The following SGCD variants were observed in gnomAD, a reference collection of about 807,000 sequenced individuals.
SGCD encodes sarcoglycan delta.
Under a neutral mutation model 36.6 loss-of-function variants are expected in SGCD, and 18 were observed. That is an observed-to-expected ratio of 0.49 (90% CI 0.34 to 0.73). SGCD has a LOEUF of 0.73. Among genes scored for constraint, SGCD ranks in the 30% least tolerant of loss-of-function variants. The pLI is 0.01. For synonymous variants in SGCD, 133 were observed against 130.6 expected (o/e 1.02, Z -0.12); for missense variants, 387 against 346.7 (o/e 1.12, Z -0.92).
At chr5:155,854,042 A>C in the SGCD span, among the ~76,000 whole-genome samples, 6 of 152,186 alleles carry the variant, frequency 3.9e-5, no homozygotes, top group Non-Finnish European at 8.8e-5. Context: ...TTTAGAAAAT[A>C]TACTCTATTT....
At chr5:156,085,325 G>A (rs913976765) in intron 1 of SGCD, among the ~76,000 whole-genome samples, 1 of 152,122 alleles carries the variant, frequency 6.6e-6, no homozygotes, top group Non-Finnish European at 1.5e-5. Flanking sequence ...GGTTATGGGG[G>A]ACGATCCCTC....
chr5:155,994,421 C>G (rs988269140), intron 1 of SGCD, among the ~76,000 whole-genome samples: 1 of 152,124 alleles, frequency 6.6e-6, no homozygotes, highest in African/African-American at 2.4e-5. Flanking sequence ...TATTTCACCT[C>G]TCCTAGGACT....
chr5:155,944,820 C>T lies in SGCD; in HGVS notation c.-282+74396C>T, dbSNP rs1264069927. Among the ~76,000 whole-genome samples, 5 of 151,944 alleles carry T rather than the reference C, an allele frequency of 3.3e-5. No homozygotes were observed. The East Asian group carries it at 9.6e-4, about 29-fold the overall frequency. On this transcript the variant is annotated intron_variant, in intron 1 of 9. Coordinates refer to the SGCD transcript ENST00000517913. ...CTTCTCCTTGTCTTTGTAAACTAAC[C>T]TTTAGCATATCTTTTTGAAGTTAGG...
intron 1 of SGCD, among the ~76,000 whole-genome samples, chr5:155,989,264 C>T (rs1259133445): frequency 6.6e-6 from 1 of 152,112 alleles, no homozygotes; most frequent in Non-Finnish European, 1.5e-5. Flanking sequence ...TCAACACAGC[C>T]ATAGACAATA....
chr5:156,415,870 G>A (rs1044346140), intron 3 of SGCD, among the ~76,000 whole-genome samples: 38 of 152,100 alleles, frequency 2.5e-4, no homozygotes, highest in African/African-American at 7.7e-4. Context: ...GGGGAAAGTC[G>A]CTTTAAAACT....
At chr5:155,983,902 C>T (rs979861408) in intron 1 of SGCD, among the ~76,000 whole-genome samples, 31 of 152,150 alleles carry the variant, frequency 2.0e-4, no homozygotes, top group African/African-American at 7.5e-4. Context: ...CCTCTGCTGA[C>T]ATCCCCCTAA....
intron 3 of SGCD, among the ~76,000 whole-genome samples, chr5:156,400,438 AC>A (rs1461084888): frequency 6.6e-6 from 1 of 152,242 alleles, no homozygotes; most frequent in African/African-American, 2.4e-5. Flanking sequence ...TAATGCATCC[AC>A]ATTTTAAAGG....
At chr5:156,604,726 A>ATATATGTATATATAAATATATACACATTT (rs1761347093) in intron 6 of SGCD, among the ~76,000 whole-genome samples, 1 of 110,090 alleles carries the variant, frequency 9.1e-6, no homozygotes. Flanking sequence ...TATGCACATT[A>ATATATGTATATATAAATATATACACATTT]TATATGTATA....
At chr5:156,598,174 T>C (rs1228629906) in intron 6 of SGCD, among the ~76,000 whole-genome samples, 1 of 152,214 alleles carries the variant, frequency 6.6e-6, no homozygotes, top group Non-Finnish European at 1.5e-5. Context: ...CCTCTTTTTG[T>C]AGAAATGGCA....
upstream of SGCD, among the ~76,000 whole-genome samples, chr5:156,321,905 C>A (rs74418250): frequency 2.0e-5 from 3 of 152,100 alleles, no homozygotes; most frequent in Non-Finnish European, 4.4e-5. Context: ...TCTCTCCCCC[C>A]ATCCTCTTTT....
chr5:156,146,852 A>ATTATTT (rs773211336), intron 3 of SGCD, among the ~76,000 whole-genome samples: 19 of 152,160 alleles, frequency 1.2e-4, no homozygotes, highest in Non-Finnish European at 2.5e-4. Flanking sequence ...TTAACTTATT[A>ATTATTT]GTTTATTATT....
chr5:156,006,816 C>T (rs898368043), intron 1 of SGCD, among the ~76,000 whole-genome samples: 3 of 152,186 alleles, frequency 2.0e-5, no homozygotes, highest in African/African-American at 7.2e-5. Flanking sequence ...GCAGTCTAAT[C>T]ACTCAAAATA....
At chr5:156,307,326 G>A (rs1767243373) in intron 3 of SGCD, among the ~76,000 whole-genome samples, 1 of 152,112 alleles carries the variant, frequency 6.6e-6, no homozygotes. Flanking sequence ...ACAGATGTGA[G>A]CCACTGCACC....
chr5:156,225,072 T>C (rs904531054), intron 3 of SGCD, among the ~76,000 whole-genome samples: 6 of 152,086 alleles, frequency 3.9e-5, no homozygotes, highest in Non-Finnish European at 8.8e-5. Context: ...AATATCTTCA[T>C]CACCAATGGC....
chr5:156,343,812 ATG>A (rs1456900480), intron 2 of SGCD, among the ~76,000 whole-genome samples: 13 of 152,110 alleles, frequency 8.5e-5, no homozygotes, highest in African/African-American at 3.1e-4. Context: ...ACCCTCCTTT[ATG>A]TTTCTTAAAT....
intron 7 of SGCD, among the ~76,000 whole-genome samples, chr5:156,740,931 TTTTTCTAAG>T (rs1240695628): frequency 6.6e-6 from 1 of 152,178 alleles, no homozygotes; most frequent in Non-Finnish European, 1.5e-5. Flanking sequence ...TCCCACCAGT[TTTTTCTAAG>T]TTATTTCCCT....
intron 3 of SGCD, among the ~76,000 whole-genome samples, chr5:156,136,418 CT>C: frequency 6.6e-6 from 1 of 152,328 alleles, no homozygotes; most frequent in African/African-American, 2.4e-5. Flanking sequence ...GCCTCAATCA[CT>C]TTTTAGAATA....
At chr5:156,418,535 C>T (rs1321500142) in intron 3 of SGCD, among the ~76,000 whole-genome samples, 2 of 152,148 alleles carry the variant, frequency 1.3e-5, no homozygotes, top group Admixed American at 6.5e-5. Context: ...AGACCTCATA[C>T]GATGTCAGAG....
At chr5:156,042,795 T>A (rs188946273) in intron 1 of SGCD, among the ~76,000 whole-genome samples, 17 of 152,288 alleles carry the variant, frequency 1.1e-4, no homozygotes, top group African/African-American at 3.6e-4. Flanking sequence ...AAATGTTATC[T>A]GCTGGAGTAA....
Sources: gnomAD v4.1 joint callset for allele counts (sites outside exome capture counted in the v4.1 genomes callset) on GRCh38, gnomAD v4.1.1 for gene constraint, MANE v1.5 for transcripts, NCBI Gene and HGNC (gene_info 2026-07-23, HGNC 2026-07-21) for gene names.